The following LRRC69 variants were observed in gnomAD, a reference collection of about 807,000 sequenced individuals.
LRRC69 encodes the protein leucine-rich repeat-containing protein 69.
LRRC69 carries 42 observed loss-of-function variants against 37.8 expected under a neutral mutation model. The observed-to-expected ratio is 1.11, with a 90% CI of 0.87 to 1.44. The LOEUF is 1.44. Ranked by LOEUF, LRRC69 falls within the 40% of genes most tolerant of loss-of-function variation. The pLI is 0.00. For missense variants in LRRC69, 357 were observed against 401.9 expected, an observed-to-expected ratio of 0.89 and a Z score of 0.96; for synonymous variants, 141 against 143.1, an observed-to-expected ratio of 0.99 and a Z score of 0.11.
chr8:91,177,164 T>C (rs1234077448), intron 5 of LRRC69, among the ~76,000 whole-genome samples: 1 of 152,180 alleles, frequency 6.6e-6, no homozygotes, highest in Non-Finnish European at 1.5e-5. Context: ...GAACCATAGA[T>C]GGCAATTTTA....
In LRRC69 at chr8:91,141,244, C is replaced by T. The variant is rs151261251; in HGVS notation, c.651+5505C>T. On this transcript the variant is annotated intron_variant, in intron 5 of 7. Coordinates refer to ENST00000448384, the Ensembl canonical transcript of LRRC69. ...TTGTTTTATTAGTTTCCTGAGGCTGCTATAGCAAAATATCACAAACTGGGG... is the reference window on the plus strand; with the variant it reads ...TTGTTTTATTAGTTTCCTGAGGCTGTTATAGCAAAATATCACAAACTGGGG... Among the ~76,000 whole-genome samples, 674 of 152,158 alleles carry T rather than the reference C, an allele frequency of 4.4e-3. 9 individuals are homozygous for T. The highest frequency in any genetic ancestry group is 6.1e-3 in the Non-Finnish European group (418 of 68,040).
intron 5 of LRRC69, among the ~76,000 whole-genome samples, chr8:91,182,266 A>G (rs759563568): frequency 6.6e-6 from 1 of 152,120 alleles, no homozygotes; most frequent in Non-Finnish European, 1.5e-5. Context: ...ACAGTTTTGC[A>G]TACTGCTTAC....
intron 1 of LRRC69, chr8:91,118,531 G>A (rs35606777): frequency 0.53 from 124,989 of 235,904 alleles, 36,093 homozygotes; most frequent in South Asian, 0.71. Flanking sequence ...TGTCTCAAAA[G>A]GAAAAAAAAA....
intron 7 of LRRC69, among the ~76,000 whole-genome samples, chr8:91,213,305 CA>C (rs1207753442): frequency 2.6e-5 from 4 of 152,040 alleles, no homozygotes; most frequent in Non-Finnish European, 5.9e-5. Flanking sequence ...TCGTCTAAGC[CA>C]AGATGCTTTT....
chr8:91,195,684 T>C (rs1809584726), intron 6 of LRRC69, among the ~76,000 whole-genome samples: 1 of 152,238 alleles, frequency 6.6e-6, no homozygotes, highest in Non-Finnish European at 1.5e-5. Context: ...TTTTTCTGTT[T>C]TCCATTTGCT....
chr8:91,181,383 C>T (rs934790529), intron 5 of LRRC69, among the ~76,000 whole-genome samples: 2 of 152,160 alleles, frequency 1.3e-5, no homozygotes, highest in Admixed American at 1.3e-4. Context: ...CATCCTTCCT[C>T]ATTCCCCTCC....
intron 6 of LRRC69, among the ~76,000 whole-genome samples, chr8:91,197,564 C>G (rs1338800083): frequency 2.6e-5 from 4 of 152,038 alleles, no homozygotes; most frequent in African/African-American, 7.2e-5. Context: ...TTTTTAAGCC[C>G]GTCGGAAAAG....
intron 5 of LRRC69, among the ~76,000 whole-genome samples, chr8:91,150,750 C>T (rs1808719707): frequency 6.6e-6 from 1 of 152,026 alleles, no homozygotes; most frequent in Non-Finnish European, 1.5e-5. Context: ...TTAATTATTG[C>T]CTCAATTTCA....
chr8:91,189,752 G>A (rs547950296), intron 6 of LRRC69, 129 bp downstream of exon 6: 1 of 538,996 alleles, frequency 1.9e-6, no homozygotes, highest in South Asian at 3.7e-5. Context: ...TTGGCAATGT[G>A]GATCCTATAC....
At chr8:91,132,809 G>T (rs1040278644) in intron 3 of LRRC69, among the ~76,000 whole-genome samples, 6 of 151,850 alleles carry the variant, frequency 4.0e-5, no homozygotes, top group African/African-American at 1.4e-4. Flanking sequence ...TTTCTCTTGG[G>T]TATGGCCAAT....
intron 7 of LRRC69, among the ~76,000 whole-genome samples, chr8:91,201,195 G>A (rs1809706232): frequency 6.6e-6 from 1 of 152,162 alleles, no homozygotes; most frequent in South Asian, 2.1e-4. Context: ...TGGTGTTCTA[G>A]AACACTAAAT....
intron 6 of LRRC69, among the ~76,000 whole-genome samples, chr8:91,193,210 T>G (rs1809532502): frequency 7.6e-6 from 1 of 131,680 alleles, no homozygotes; most frequent in African/African-American, 2.9e-5. Flanking sequence ...GATCTATATC[T>G]CTGTTTTGGT....
At chr8:91,116,583 T>G (rs1433748088) in intron 1 of LRRC69, among the ~76,000 whole-genome samples, 1 of 151,978 alleles carries the variant, frequency 6.6e-6, no homozygotes. Flanking sequence ...ATGATCATTC[T>G]GAGCAATAGT....
At chr8:91,207,992 G>T (rs1470491371) in intron 7 of LRRC69, among the ~76,000 whole-genome samples, 1 of 152,168 alleles carries the variant, frequency 6.6e-6, no homozygotes, top group Non-Finnish European at 1.5e-5. Context: ...CTACATGGCT[G>T]GCTCTTTCCT....
At chr8:91,133,732 T>G in intron 4 of LRRC69, among the ~76,000 whole-genome samples, 1 of 151,998 alleles carries the variant, frequency 6.6e-6, no homozygotes, top group Admixed American at 6.6e-5. Context: ...CATCCCGGGT[T>G]CAGGTGATTC....
intron 1 of LRRC69, among the ~76,000 whole-genome samples, chr8:91,119,966 A>C (rs560646864): frequency 1.3e-5 from 2 of 152,032 alleles, no homozygotes; most frequent in South Asian, 4.1e-4. Flanking sequence ...TTAAGGCATG[A>C]GTTTCTAATC....
intron 7 of LRRC69, chr8:91,206,614 A>G (rs1809809547): frequency 1.7e-6 from 2 of 1,187,028 alleles, no homozygotes; most frequent in African/African-American, 3.2e-5. Flanking sequence ...ACAAGTTGCC[A>G]TGTTTAATTG....
At chr8:91,187,586 T>C (rs1428306095) in intron 5 of LRRC69, among the ~76,000 whole-genome samples, 2 of 152,236 alleles carry the variant, frequency 1.3e-5, no homozygotes, top group Non-Finnish European at 2.9e-5. Context: ...TCAGCACTTC[T>C]GTATAATATA....
intron 5 of LRRC69, among the ~76,000 whole-genome samples, chr8:91,171,593 A>G (rs1165916659): frequency 2.0e-5 from 3 of 152,014 alleles, no homozygotes; most frequent in Admixed American, 6.6e-5. Context: ...GTCTTGAAAT[A>G]TTTTTAGCCC....
Sources: gnomAD v4.1 joint callset for allele counts (sites outside exome capture counted in the v4.1 genomes callset) on GRCh38, gnomAD v4.1.1 for gene constraint, MANE v1.5 for transcripts, NCBI Gene and HGNC (gene_info 2026-07-23, HGNC 2026-07-21) for gene names.